CCDC178: variants seen among roughly 807,000 people sequenced by gnomAD.
The protein encoded by CCDC178 is coiled-coil domain-containing protein 178.
In CCDC178, 126 loss-of-function variants were observed where a neutral mutation model predicts 117.4. The observed-to-expected ratio is 1.07, with a 90% CI of 0.93 to 1.24. CCDC178 has a LOEUF of 1.24. CCDC178 is among the 50% of genes most tolerant of loss of function. CCDC178 has a pLI of 0.00. For synonymous variants in CCDC178, 283 were observed against 313.4 expected (o/e 0.90, Z 1.02); for missense variants, 1,030 against 986.9 (o/e 1.04, Z -0.59).
chr18:33,248,054 C>T (rs1381704475), intron 14 of CCDC178, among the ~76,000 whole-genome samples: 2 of 151,588 alleles, frequency 1.3e-5, no homozygotes, highest in African/African-American at 4.8e-5. Flanking sequence ...AATAAAAAAT[C>T]TATAGCTAAA....
intron 8 of CCDC178, among the ~76,000 whole-genome samples, chr18:33,348,623 A>G (rs913816013): frequency 3.3e-5 from 5 of 151,912 alleles, no homozygotes; most frequent in Admixed American, 3.3e-4. Flanking sequence ...ATTGGGCAAC[A>G]CTAAACTACA....
At chr18:33,314,982 C>T (rs557945615) in intron 11 of CCDC178, among the ~76,000 whole-genome samples, 3 of 152,264 alleles carry the variant, frequency 2.0e-5, no homozygotes, top group Non-Finnish European at 4.4e-5. Context: ...ACCGAATCCC[C>T]AGAGAAGTCA....
At chr18:33,286,754 T>C (rs1322612133) in intron 12 of CCDC178, among the ~76,000 whole-genome samples, 1 of 152,194 alleles carries the variant, frequency 6.6e-6, no homozygotes, top group Non-Finnish European at 1.5e-5. Flanking sequence ...TGTGTGTCTA[T>C]GTGATTGTCA....
chr18:33,223,051 C>A, intron 18 of CCDC178, 55 bp downstream of exon 18: 1 of 1,297,658 alleles, frequency 7.7e-7, no homozygotes, highest in South Asian at 1.4e-5. Context: ...GAATAGTTTT[C>A]ACTGACATAC....
intron 21 of CCDC178, among the ~76,000 whole-genome samples, chr18:33,063,331 C>G (rs1356993313): frequency 1.3e-5 from 2 of 152,160 alleles, no homozygotes; most frequent in African/African-American, 4.8e-5. Flanking sequence ...GCTGCTAGCA[C>G]CCATGCATAC....
chr18:33,198,626 C>T (rs537181081), intron 20 of CCDC178, among the ~76,000 whole-genome samples: 18 of 152,042 alleles, frequency 1.2e-4, no homozygotes, highest in Admixed American at 5.9e-4. Context: ...CCATTTTATG[C>T]GATTTGTAAA....
rs183705271 is a variant in CCDC178 at position 33,231,476 on chromosome 18, T to A, written c.1594-4621A>T. Among the ~76,000 whole-genome samples, 36 of 152,348 alleles carry A rather than the reference T, an allele frequency of 2.4e-4. 1 individual carries two copies. Among genetic ancestry groups the A allele is most frequent in the Admixed American group, 2.1e-3 (32 of 15,296 alleles). On this transcript the variant is annotated intron_variant, in intron 15 of 22. Transcript: ENST00000383096. ...GAAATTTGCATGTAGACTATGCATT[T>A]GTGCTCATTATCTAATTATTGCCTC...
chr18:33,347,311 T>C (rs918626913), intron 8 of CCDC178, among the ~76,000 whole-genome samples: 1 of 152,196 alleles, frequency 6.6e-6, no homozygotes, highest in East Asian at 1.9e-4. Flanking sequence ...ATGTTGCTTT[T>C]GGACAATAAA....
intron 20 of CCDC178, among the ~76,000 whole-genome samples, chr18:33,123,382 A>C (rs562918733): frequency 1.3e-5 from 2 of 152,270 alleles, no homozygotes; most frequent in East Asian, 3.9e-4. Context: ...GGACCAGGGC[A>C]TGCTTTTCAG....
intron 6 of CCDC178, 46 bp from the exon 7 acceptor site, chr18:33,356,392 TA>T: frequency 7.1e-7 from 1 of 1,414,826 alleles, no homozygotes; most frequent in Non-Finnish European, 9.5e-7. Flanking sequence ...TTAAACATAT[TA>T]AAAAACTGAA....
At chr18:33,347,079 G>A (rs1018466587) in intron 8 of CCDC178, among the ~76,000 whole-genome samples, 1 of 152,016 alleles carries the variant, frequency 6.6e-6, no homozygotes, top group Non-Finnish European at 1.5e-5. Context: ...ATTACGTTCC[G>A]GGAACAAGCA....
chr18:33,253,737 G>C (rs1486407983), intron 14 of CCDC178, among the ~76,000 whole-genome samples: 3 of 151,826 alleles, frequency 2.0e-5, no homozygotes, highest in African/African-American at 7.2e-5. Context: ...TTACCTAACG[G>C]AAGAGAAGAG....
intron 21 of CCDC178, among the ~76,000 whole-genome samples, chr18:33,043,574 T>C (rs1434079581): frequency 6.6e-6 from 1 of 152,040 alleles, no homozygotes; most frequent in Non-Finnish European, 1.5e-5. Context: ...CATAACATAA[T>C]TGTCTCCTGT....
chr18:33,353,540 G>T (rs2063008194), intron 7 of CCDC178, among the ~76,000 whole-genome samples: 1 of 151,592 alleles, frequency 6.6e-6, no homozygotes. Flanking sequence ...TTCCCTCTTT[G>T]TTTTCCTGTA....
chr18:33,355,266 G>GTTT (rs2063037718), intron 7 of CCDC178, among the ~76,000 whole-genome samples: 2 of 152,104 alleles, frequency 1.3e-5, no homozygotes, highest in Non-Finnish European at 2.9e-5. Context: ...TTTGTTTAGT[G>GTTT]ACTCTTCCAA....
At position 33,323,625 on chromosome 18, in the gene CCDC178, G is replaced by C. The variant is rs774465310; in HGVS notation, c.888C>G (p.Asp296Glu). Reference protein sequence around the residue: ...NHYKKKMEVMDLHRKVNEELE... With the variant: ...NHYKKKMEVMELHRKVNEELE... ...GTTCTTCATTAACTTTTCTGTGTAG[G>C]TCCATTACCTAGAAATGAAAATATT... The change falls in exon 11 of 23, where the codon GAC (aspartate) becomes GAG (glutamate). Residue 296 changes from aspartate (D) to glutamate (E), a missense_variant. Physicochemically the swap from Asp to Glu is conservative, Grantham distance 45. Transcript: ENST00000383096. 1 of 1,497,996 alleles carries C rather than the reference G, an allele frequency of 6.7e-7. No homozygotes were observed. Among genetic ancestry groups the C allele is most frequent in the African/African-American group, 1.4e-5 (1 of 69,494 alleles). The allele number at this position is 1,497,996 out of a possible 1,614,324, so 92.8% of individuals were successfully genotyped here.
chr18:32,974,416 C>T, intron 22 of CCDC178, 131 bp downstream of exon 22: 1 of 774,204 alleles, frequency 1.3e-6, no homozygotes, highest in Non-Finnish European at 2.1e-6. Context: ...CATGCAATTC[C>T]AGTTTATTAA....
intron 20 of CCDC178, among the ~76,000 whole-genome samples, chr18:33,101,627 C>A (rs190444300): frequency 6.6e-6 from 1 of 151,950 alleles, no homozygotes; most frequent in Admixed American, 6.6e-5. Context: ...ACAACTTATT[C>A]TAATTATGCA....
intron 14 of CCDC178, among the ~76,000 whole-genome samples, chr18:33,262,853 T>C (rs1233231235): frequency 1.3e-5 from 2 of 152,202 alleles, no homozygotes; most frequent in East Asian, 3.9e-4. Flanking sequence ...TAAATGTCAG[T>C]TAAATTTAAG....
Sources: allele counts gnomAD v4.1 joint callset (sites outside exome capture counted in the v4.1 genomes callset), GRCh38; gene constraint gnomAD v4.1.1; transcripts MANE v1.5; gene names NCBI Gene and HGNC (gene_info 2026-07-23, HGNC 2026-07-21).